The following PCBP3 variants were observed in gnomAD, a reference collection of about 807,000 sequenced individuals.
PCBP3 encodes the protein poly(rC)-binding protein 3.
Under a neutral mutation model 52.7 loss-of-function variants are expected in PCBP3, and 25 were observed. That is an observed-to-expected ratio of 0.47 (90% confidence interval 0.35 to 0.66). The LOEUF (loss-of-function observed/expected upper bound fraction) is 0.66, where lower values mean the gene tolerates loss of function less well. Ranked by LOEUF, PCBP3 falls within the 30% of genes least tolerant of loss-of-function variation. The pLI is 0.01. For synonymous variants in PCBP3, 162 were observed against 183.0 expected (o/e 0.89, Z 0.93); for missense variants, 391 against 490.3 (o/e 0.80, Z 1.91).
chr21:45,861,897 ATG>A (rs1555987880), intron 5 of PCBP3, among the ~76,000 whole-genome samples: 1 of 152,186 alleles, frequency 6.6e-6, no homozygotes, highest in Non-Finnish European at 1.5e-5. Context: ...AACAGAATCA[ATG>A]TATCACTCAC....
At position 45,928,102 on chromosome 21, in the gene PCBP3, G is replaced by A. The variant is rs915144338; in HGVS notation, c.718-1815G>A. Among the ~76,000 whole-genome samples the A allele has an allele frequency of 5.3e-4, 80 of 152,204 alleles. No individual in the cohort carries two copies. The highest frequency in any genetic ancestry group is 1.9e-3 in the African/African-American group (77 of 41,468). ...CTGACGTGCCCCGTCCAGGTGGGGCGCCTTCACTAGGACCCCAGATGCGCC... is the reference window on the plus strand; with the variant it reads ...CTGACGTGCCCCGTCCAGGTGGGGCACCTTCACTAGGACCCCAGATGCGCC... On this transcript the variant is annotated intron_variant, in intron 13 of 17. Coordinates refer to ENST00000681687, the MANE Select transcript of PCBP3 (RefSeq NM_001384156.1). This position sits in a 1 kb window ranked among gnomAD's most constrained non-coding sequence, Gnocchi z 4.1.
chr21:45,939,653 T>G (rs1000563008), intron 16 of PCBP3, among the ~76,000 whole-genome samples: 2 of 152,244 alleles, frequency 1.3e-5, no homozygotes, highest in African/African-American at 4.8e-5. Context: ...TGGGCCATGG[T>G]GGAGCCTCCC....
chr21:45,690,639 A>G (rs1375971000), intron 2 of PCBP3, among the ~76,000 whole-genome samples: 4 of 152,180 alleles, frequency 2.6e-5, no homozygotes, highest in Non-Finnish European at 4.4e-5. Context: ...CAACAACTCA[A>G]TAAAAAATAC....
chr21:45,806,153 A>G, intron 4 of PCBP3, among the ~76,000 whole-genome samples: 1 of 152,258 alleles, frequency 6.6e-6, no homozygotes, highest in Non-Finnish European at 1.5e-5. Flanking sequence ...AGACCCCAGC[A>G]AAGCCACCCG....
At position 45,850,194 on chromosome 21, in the gene PCBP3, C is replaced by A. The variant is rs1603450203; in HGVS notation, c.10+99C>A. On this transcript the variant is annotated intron_variant, in intron 5 of 17. Transcript: ENST00000681687. The stretch of plus-strand genomic sequence containing the variant: ...GACAAATGAAATCTGTTTGAAGTGA[C>A]ACAGTGCTGTATTTCACCCTGCTTC... 1.3e-4 allele frequency: 128 copies of A among 962,528 alleles called. 2 individuals are homozygous for A. In the South Asian group the frequency reaches 1.7e-3, roughly 13 times the overall value. 59.6% of individuals were successfully genotyped at this position (962,528 alleles called of 1,614,324 possible).
chr21:45,841,442 G>A (rs2093698254), intron 4 of PCBP3, among the ~76,000 whole-genome samples: 1 of 148,728 alleles, frequency 6.7e-6, no homozygotes, highest in South Asian at 2.1e-4. Flanking sequence ...CGTGAGTTCT[G>A]TCAATAGTAA....
At chr21:45,703,158 A>G (rs1302647959) in intron 2 of PCBP3, among the ~76,000 whole-genome samples, 1 of 152,228 alleles carries the variant, frequency 6.6e-6, no homozygotes, top group Non-Finnish European at 1.5e-5. Flanking sequence ...CCTTAAAGGC[A>G]TCCGTGAGGG....
intron 5 of PCBP3, among the ~76,000 whole-genome samples, chr21:45,886,876 G>T (rs1457886049): frequency 6.6e-6 from 1 of 152,220 alleles, no homozygotes; most frequent in East Asian, 1.9e-4. Flanking sequence ...TGGGGTTCGG[G>T]AGCCTCTTGA....
In PCBP3 at chr21:45,929,903, C is replaced by A; in HGVS notation, c.718-14C>A. ...ACAATAACCTTCTTAGCTCTCGTGTCCCTCCTACCCCAGCAGTTGACCAAG... is the reference window on the plus strand; with the variant it reads ...ACAATAACCTTCTTAGCTCTCGTGTACCTCCTACCCCAGCAGTTGACCAAG... On this transcript the variant is annotated splice_polypyrimidine_tract_variant and intron_variant, in intron 13 of 17. Coordinates refer to ENST00000681687, the MANE Select transcript of PCBP3 (RefSeq NM_001384156.1). 1 of 1,608,268 alleles carries A rather than the reference C, an allele frequency of 6.2e-7. No homozygotes were observed. The highest frequency in any genetic ancestry group is 8.5e-7 in the Non-Finnish European group (1 of 1,174,884).
rs774400132 is a variant in PCBP3 at position 45,917,283 on chromosome 21, G to C, written c.676-305G>C. On this transcript the variant is annotated intron_variant, in intron 12 of 17. Coordinates refer to ENST00000681687, the MANE Select transcript of PCBP3 (RefSeq NM_001384156.1). This position sits in a 1 kb window ranked among gnomAD's most constrained non-coding sequence, Gnocchi z 5.3. ...ATTAGTGGAGACCTCTTACTGGGCA[G>C]ATCACTCTTCGATTCTTTTGCTTTA... The C allele has an allele frequency of 1.4e-5, 5 of 348,832 alleles. No homozygotes were observed. Among genetic ancestry groups the C allele is most frequent in the Non-Finnish European group, 2.1e-5 (4 of 191,062 alleles). The allele number at this position is 348,832 out of a possible 1,614,324, so 21.6% of individuals were successfully genotyped here. A position where few individuals can be genotyped will look rare whatever the true frequency, so the allele number is the denominator to read the frequency against.
rs544061705 is a variant in PCBP3, at chr21:45,724,571, G to A, written c.-199-10821G>A. ...GGCGGGCCAGGCTGCTCTGTAACAC[G>A]AACATTAAAACTGATTTGAGGTGTT... On this transcript the variant is annotated intron_variant, in intron 2 of 17. Coordinates refer to ENST00000681687, the MANE Select transcript of PCBP3 (RefSeq NM_001384156.1). The surrounding 1 kb of genome is among the most constrained non-coding windows in gnomAD (Gnocchi z 5.3). 1.6e-4 allele frequency among the ~76,000 whole-genome samples: 24 copies of A among 152,156 alleles called. No individual in the cohort carries two copies. Among genetic ancestry groups the A allele is most frequent in the Non-Finnish European group, 2.6e-4 (18 of 68,030 alleles).
chr21:45,918,409 T>A (rs200907558), intron 13 of PCBP3: 4 of 78,168 alleles, frequency 5.1e-5, no homozygotes, highest in African/African-American at 1.7e-4. Context: ...GGGGAAGAAG[T>A]TACTCTCAGA....
At chr21:45,815,029 G>GTGAGTGA (rs1431421731) in intron 4 of PCBP3, among the ~76,000 whole-genome samples, 1 of 126,704 alleles carries the variant, frequency 7.9e-6, no homozygotes, top group East Asian at 2.6e-4. Context: ...TGAGTGGTGA[G>GTGAGTGA]TGAGTGATGA....
chr21:45,815,799 ATGAGTGAGTGGTGAG>A (rs2092916793), intron 4 of PCBP3, among the ~76,000 whole-genome samples: 1 of 77,508 alleles, frequency 1.3e-5, no homozygotes, highest in East Asian at 5.0e-4. Context: ...GTGGTGAGTG[ATGAGTGAGTGGTGAG>A]TGAGTGGTGA....
chr21:45,828,985 A>G (rs547225230), intron 4 of PCBP3: 1 of 152,372 alleles, frequency 6.6e-6, no homozygotes, highest in South Asian at 2.1e-4. Flanking sequence ...GTTGTGTCTG[A>G]CTTGTGTCTT....
At position 45,737,817 on chromosome 21, in the gene PCBP3, C is replaced by T. The variant is rs796112592; in HGVS notation, c.-162+2388C>T. ...AGGGCTCTCCTCTCGTGGGCTGTGT[C>T]GAGTGAGTCCTGCAGCTTCTCGCTG... On this transcript the variant is annotated intron_variant, in intron 3 of 17. Coordinates refer to ENST00000681687, the MANE Select transcript of PCBP3 (RefSeq NM_001384156.1). The surrounding 1 kb of genome is among the most constrained non-coding windows in gnomAD (Gnocchi z 4.9). Among the ~76,000 whole-genome samples, 5 of 152,322 alleles carry T rather than the reference C, an allele frequency of 3.3e-5. No homozygotes were observed. Among genetic ancestry groups the T allele is most frequent in the East Asian group, 1.9e-4 (1 of 5,192 alleles).
chr21:45,938,957 G>T lies in PCBP3; in HGVS notation c.910-1073G>T, dbSNP rs1337734400. Among the ~76,000 whole-genome samples the T allele has an allele frequency of 2.0e-5, 3 of 152,334 alleles. No homozygotes were observed. In the East Asian group the frequency reaches 5.8e-4, roughly 29 times the overall value. On this transcript the variant is annotated intron_variant, in intron 16 of 17. Transcript: ENST00000681687. ...ACGCTTGCAAGTGGACGTCCCTCCT[G>T]CATGCCGCCACATGGCCCAGCCCAG... is the stretch of plus-strand genomic sequence containing the variant.
At chr21:45,860,113 G>A (rs2839022) in intron 5 of PCBP3, among the ~76,000 whole-genome samples, 28,504 of 152,094 alleles carry the variant, frequency 0.19, 3,224 homozygotes, top group African/African-American at 0.32. Context: ...GTGGGTAACC[G>A]AAGGCTCCAG....
chr21:45,901,152 G>C lies in PCBP3; in HGVS notation c.339+39G>C, dbSNP rs753680188. 16 of 1,440,542 alleles carry C rather than the reference G, an allele frequency of 1.1e-5. No individual in the cohort carries two copies. In the African/African-American group the frequency reaches 2.0e-4, roughly 18 times the overall value. 89.2% of individuals were successfully genotyped at this position (1,440,542 alleles called of 1,614,324 possible). ...CAGGCACCTCTGCCAGCCTGGCGGG[G>C]GCAGGCCTGGTCCCAGCTGGCTCCC... On this transcript the variant is annotated intron_variant, in intron 9 of 17. Coordinates refer to ENST00000681687, the MANE Select transcript of PCBP3 (RefSeq NM_001384156.1).
Sources: allele counts gnomAD v4.1 joint callset (sites outside exome capture counted in the v4.1 genomes callset), GRCh38; gene constraint gnomAD v4.1.1; non-coding constraint Gnocchi (gnomAD v3.1); transcripts MANE v1.5; gene names NCBI Gene and HGNC (gene_info 2026-07-23, HGNC 2026-07-21).